CCDC102A: variants seen among roughly 807,000 people sequenced by gnomAD.
The protein encoded by CCDC102A is coiled-coil domain containing 102A.
CCDC102A carries 40 observed loss-of-function variants against 55.5 expected under a neutral mutation model. The observed-to-expected ratio is 0.72, with a 90% CI of 0.56 to 0.94. CCDC102A has a LOEUF of 0.94. CCDC102A is among the 40% of genes least tolerant of loss of function. The pLI is 0.00. For synonymous variants in CCDC102A, 323 were observed against 339.0 expected, an observed-to-expected ratio of 0.95 and a Z score of 0.52; for missense variants, 779 against 768.6, an observed-to-expected ratio of 1.01 and a Z score of -0.16.
chr16:57,520,593 TAAATAAAATAAAATAAATA>T (rs1459530776), intron 4 of CCDC102A, among the ~76,000 whole-genome samples: 1 of 114,516 alleles, frequency 8.7e-6, no homozygotes, highest in Non-Finnish European at 1.9e-5. Flanking sequence ...TAACATAACA[TAAATAAAATAAAATAAATA>T]AAATAAAATA....
intron 1 of CCDC102A, among the ~76,000 whole-genome samples, chr16:57,535,597 T>C (rs2032357944): frequency 6.6e-6 from 1 of 152,002 alleles, no homozygotes. Flanking sequence ...GCTGGAATGG[T>C]GGGGTGAACC....
At position 57,521,109 on chromosome 16, in the gene CCDC102A, A is replaced by T. The variant is rs1300384324; in HGVS notation, c.880T>A (p.Tyr294Asn). 2.5e-6 allele frequency: 4 copies of T among 1,613,418 alleles called. No homozygotes were observed. The African/African-American group carries it at 5.3e-5, about 22-fold the overall frequency. Reference sequence around the variant, plus strand: ...TGCTTGGTCTTGCTCAGCTCCTCATACTTGATCTTCCACTGGCTGAGCTCC... The same window carrying T: ...TGCTTGGTCTTGCTCAGCTCCTCATTCTTGATCTTCCACTGGCTGAGCTCC... The part of the protein sequence containing the change: ...EGELSQWKIK[Y>N]EELSKTKQEM... The change falls in exon 4 of 9, where the codon TAT becomes AAT. Residue 294 changes from tyrosine to asparagine, a missense_variant. By Grantham distance (143) the Tyr-to-Asn change is moderately radical. Transcript: ENST00000258214.
chr16:57,522,951 G>A (rs1375485751), intron 3 of CCDC102A, among the ~76,000 whole-genome samples: 1 of 152,218 alleles, frequency 6.6e-6, no homozygotes, highest in African/African-American at 2.4e-5. Context: ...TGGGCTCCCT[G>A]AGCTCAGGAG....
chr16:57,525,181 C>T (rs1440430149), intron 3 of CCDC102A, among the ~76,000 whole-genome samples: 1 of 152,176 alleles, frequency 6.6e-6, no homozygotes, highest in East Asian at 1.9e-4. Context: ...CTGCAACCTC[C>T]ACCTCCCGGC....
At chr16:57,515,273 C>T (rs533547665) in intron 8 of CCDC102A, 68 bp downstream of exon 8, 16 of 1,002,406 alleles carry the variant, frequency 1.6e-5, no homozygotes, top group African/African-American at 3.2e-5. Flanking sequence ...GTTTGGGCTC[C>T]GTCCCTGACC....
rs1166789361 is a variant in CCDC102A at position 57,512,636 on chromosome 16, G to A, written c.*105C>T. The A allele has an allele frequency of 4.3e-6, 6 of 1,397,058 alleles. No homozygotes were observed. The highest frequency in any genetic ancestry group is 5.8e-6 in the Non-Finnish European group (6 of 1,036,064). 86.5% of individuals were successfully genotyped at this position (1,397,058 alleles called of 1,614,324 possible). A position where few individuals can be genotyped will look rare whatever the true frequency, so the allele number is the denominator to read the frequency against. ...AGAGAAGAAAGTCGGCTGTGGCAGG[G>A]ACTGGTCCCAGAGTGAGCCTAGGCA... On this transcript the variant is annotated 3_prime_UTR_variant, in exon 9 of 9. Coordinates refer to ENST00000258214, the MANE Select transcript of CCDC102A (RefSeq NM_033212.4).
intron 8 of CCDC102A, among the ~76,000 whole-genome samples, chr16:57,515,076 C>T (rs961611533): frequency 2.6e-5 from 4 of 152,156 alleles, no homozygotes; most frequent in Non-Finnish European, 5.9e-5. Context: ...CTCTCCAGCC[C>T]GCCCTTCCTG....
intron 4 of CCDC102A, among the ~76,000 whole-genome samples, chr16:57,520,584 AACATAACAT>A (rs1372623219): frequency 7.4e-6 from 1 of 135,806 alleles, no homozygotes; most frequent in East Asian, 1.9e-4. Flanking sequence ...AACATAACAT[AACATAACAT>A]AAATAAAATA....
At chr16:57,531,070 TCTC>T (rs1359312636) in intron 1 of CCDC102A, among the ~76,000 whole-genome samples, 2 of 151,476 alleles carry the variant, frequency 1.3e-5, no homozygotes, top group Admixed American at 6.6e-5. Flanking sequence ...TGGGCCCCCT[TCTC>T]CTCTCACGAT....
chr16:57,521,776 C>A (rs150459334), intron 3 of CCDC102A, among the ~76,000 whole-genome samples: 82 of 152,328 alleles, frequency 5.4e-4, no homozygotes, highest in South Asian at 1.9e-3. Context: ...AAGCATGATG[C>A]CTGGCCCTGG....
chr16:57,529,874 A>T lies in CCDC102A; in HGVS notation c.-147-550T>A, dbSNP rs984266299. Reference sequence around the variant, plus strand: ...GGCTGTGAGTTTGCTGTGGTCCAGGACTGGGTCCTGACCACTGTTTTAGTC... The same window carrying T: ...GGCTGTGAGTTTGCTGTGGTCCAGGTCTGGGTCCTGACCACTGTTTTAGTC... On this transcript the variant is annotated intron_variant, in intron 1 of 8. Transcript: ENST00000258214. This position sits in a 1 kb window ranked among gnomAD's most constrained non-coding sequence, Gnocchi z 4.1. Among the ~76,000 whole-genome samples the T allele has an allele frequency of 1.3e-5, 2 of 152,156 alleles. No homozygotes were observed. Among genetic ancestry groups the T allele is most frequent in the African/African-American group, 2.4e-5 (1 of 41,432 alleles).
At chr16:57,534,084 C>T (rs1472352439) in intron 1 of CCDC102A, among the ~76,000 whole-genome samples, 2 of 152,192 alleles carry the variant, frequency 1.3e-5, no homozygotes, top group Non-Finnish European at 2.9e-5. Context: ...ATGCCCATGT[C>T]CCAGACTCCA....
rs1244830489 is a variant in CCDC102A at position 57,529,093 on chromosome 16, G to T, written c.85C>A (p.Pro29Thr). ...GAGTCGGCAGGCCCCATGCGCTCCG[G>T]CGACGGGCTGCCCAGGATGGTCAGG... ...SLLTILGSPS[P>T]ERMGPADSLP... Residue 29 changes from proline to threonine, a missense_variant, in exon 2 of 9, where the codon CCG (proline) becomes ACG (threonine). By Grantham distance (38) the Pro-to-Thr change is conservative (BLOSUM62 -1). Transcript: ENST00000258214. The surrounding 1 kb of genome is among the most constrained non-coding windows in gnomAD (Gnocchi z 4.1). 6.0e-5 allele frequency: 71 copies of T among 1,174,762 alleles called. No individual in the cohort carries two copies. The highest frequency in any genetic ancestry group is 7.1e-5 in the Non-Finnish European group (68 of 951,220). 72.8% of individuals were successfully genotyped at this position (1,174,762 alleles called of 1,614,324 possible). A position where few individuals can be genotyped will look rare whatever the true frequency, so the allele number is the denominator to read the frequency against.
chr16:57,536,173 C>T (rs1309060039), intron 1 of CCDC102A, among the ~76,000 whole-genome samples: 2 of 152,130 alleles, frequency 1.3e-5, no homozygotes, highest in Admixed American at 6.5e-5. Flanking sequence ...CACGTTGGGT[C>T]CCCCGGGAGA....
In CCDC102A at chr16:57,515,420, G is replaced by T; in HGVS notation, c.1444C>A (p.Arg482Ser). 6.2e-7 allele frequency: 1 copy of T among 1,606,736 alleles called. No individual in the cohort carries two copies. ...TCGTCCAGCGACCGCTGCAGCTTAC[G>T]TGCCTGGTTGTGGGCCTCGTCCAGC... Reference protein sequence around the residue: ...DELDEAHNQARKLQRSLDEQT... With the variant: ...DELDEAHNQASKLQRSLDEQT... The change falls in exon 8 of 9, where the codon CGT (arginine) becomes AGT (serine). Residue 482 changes from arginine (R) to serine (S), a missense_variant. Transcript: ENST00000258214.
At chr16:57,514,642 G>A (rs1164760406) in intron 8 of CCDC102A, among the ~76,000 whole-genome samples, 2 of 152,214 alleles carry the variant, frequency 1.3e-5, no homozygotes, top group African/African-American at 4.8e-5. Flanking sequence ...TGCTAATGCT[G>A]AGCCAGGCTT....
intron 3 of CCDC102A, among the ~76,000 whole-genome samples, chr16:57,524,881 C>A (rs1411143803): frequency 6.6e-6 from 1 of 152,134 alleles, no homozygotes; most frequent in Non-Finnish European, 1.5e-5. Flanking sequence ...AGGGCTCAGC[C>A]CTGTTCTTAC....
Position 57,518,127 on chromosome 16 carries a change from C to A in CCDC102A, c.1189G>T (p.Ala397Ser). 3 of 1,609,746 alleles carry A rather than the reference C, an allele frequency of 1.9e-6. No individual in the cohort carries two copies. The highest frequency in any genetic ancestry group is 2.5e-6 in the Non-Finnish European group (3 of 1,179,712). ...EALARRRRQT[A>S]SALDCDLRAS... ...CTCAGGTCGCAGTCCAGTGCGCTGG[C>A]TGTTTGCCGCCGCCGCCGGGCCAGC... Residue 397 changes from alanine (A) to serine (S), a missense_variant, in exon 6 of 9, where the codon GCC (alanine) becomes TCC (serine). By Grantham distance (99) the Ala-to-Ser change is moderately conservative (BLOSUM62 1). Coordinates refer to ENST00000258214, the MANE Select transcript of CCDC102A (RefSeq NM_033212.4).
intron 3 of CCDC102A, among the ~76,000 whole-genome samples, chr16:57,524,531 T>C (rs1488265377): frequency 6.6e-6 from 1 of 152,002 alleles, no homozygotes; most frequent in Non-Finnish European, 1.5e-5. Context: ...GAGTCGAGAC[T>C]GTGCTACTGT....
Sources: allele counts gnomAD v4.1 joint callset (sites outside exome capture counted in the v4.1 genomes callset), GRCh38; gene constraint gnomAD v4.1.1; non-coding constraint Gnocchi (gnomAD v3.1); transcripts MANE v1.5; gene names NCBI Gene and HGNC (gene_info 2026-07-23, HGNC 2026-07-21).